The following ASPSCR1 variants were observed in gnomAD, a reference collection of about 807,000 sequenced individuals.
ASPSCR1 encodes the protein ASPSCR1 tether for SLC2A4, UBX domain containing.
ASPSCR1 carries 55 observed loss-of-function variants against 68.9 expected under a neutral mutation model. The observed-to-expected ratio is 0.80, with a 90% CI of 0.64 to 1.00. ASPSCR1 has a LOEUF of 1.00. Ranked by LOEUF, ASPSCR1 falls within the 50% of genes least tolerant of loss-of-function variation. ASPSCR1 has a pLI of 0.00. For synonymous variants in ASPSCR1, 352 were observed against 332.6 expected (o/e 1.06, Z -0.63); for missense variants, 765 against 762.2 (o/e 1.00, Z -0.04).
Position 81,983,665 on chromosome 17 carries a change from C to T in ASPSCR1, c.270C>T (p.Asn90=), listed in dbSNP as rs368306368. 5.0e-6 allele frequency: 8 copies of T among 1,609,282 alleles called. No homozygotes were observed. In the African/African-American group the frequency reaches 6.7e-5, roughly 13 times the overall value. The change falls in exon 3 of 16, where the codon AAC becomes AAT. Residue 90 remains asparagine, a synonymous_variant. Coordinates refer to ENST00000306739, the MANE Select transcript of ASPSCR1 (RefSeq NM_024083.4). This position sits in a 1 kb window ranked among gnomAD's most constrained non-coding sequence, Gnocchi z 4.4. The stretch of plus-strand genomic sequence containing the variant: ...CCCGGAGCCGTGAGGGGCCTGAGAA[C>T]ATGGTGGGTCGTGCTCTGGGGGAGG... ...PASRSREGPE[N]MVRIALQLDD... is the part of the protein sequence containing the mutation.
chr17:82,003,885 G>A (rs1042268325), intron 7 of ASPSCR1, among the ~76,000 whole-genome samples: 6 of 152,230 alleles, frequency 3.9e-5, no homozygotes, highest in East Asian at 3.9e-4. Context: ...GGTTTGGCCC[G>A]TGTCTGGCGT....
At chr17:82,011,644 C>A in intron 11 of ASPSCR1, 39 bp downstream of exon 11, 1 of 1,596,742 alleles carries the variant, frequency 6.3e-7, no homozygotes, top group Non-Finnish European at 8.5e-7. Flanking sequence ...GCCTCCAGTG[C>A]TCGGGGCCTT....
rs372697330 is a variant in ASPSCR1 at position 81,996,045 on chromosome 17, C to T, written c.486C>T (p.Thr162=). ...CGACGCTGCAGTCGCTGGGCCTGAC[C>T]GGGGGCAGCGCCACCATCAGGTAAG... The part of the protein sequence containing the change: ...RGTTLQSLGL[T]GGSATIRFVM... The change falls in exon 6 of 16, where the codon ACC becomes ACT. Residue 162 remains threonine (T), a synonymous_variant. Transcript: ENST00000306739. 1.3e-5 allele frequency: 21 copies of T among 1,609,136 alleles called. No homozygotes were observed. Among genetic ancestry groups the T allele is most frequent in the Middle Eastern group, 1.7e-4 (1 of 6,042 alleles).
chr17:82,017,221 G>A lies in ASPSCR1; in HGVS notation c.1649-88G>A, dbSNP rs1008200696. 3 of 1,595,128 alleles carry A rather than the reference G, an allele frequency of 1.9e-6. No individual in the cohort carries two copies. In the African/African-American group the frequency reaches 4.0e-5, roughly 21 times the overall value. On this transcript the variant is annotated intron_variant, in intron 15 of 15. Coordinates refer to ENST00000306739, the MANE Select transcript of ASPSCR1 (RefSeq NM_024083.4). ...GGGGGCTAGGTGCTGTGGCCGGCAG[G>A]GCCGAGTGCTTCAGCCGGGCTGGTG... is the stretch of plus-strand genomic sequence containing the variant.
At chr17:82,002,593 C>G (rs1226745570) in intron 7 of ASPSCR1, among the ~76,000 whole-genome samples, 1 of 151,880 alleles carries the variant, frequency 6.6e-6, no homozygotes, top group Admixed American at 6.6e-5. Context: ...GACAGAGTCT[C>G]ACTCTGTTGC....
Position 82,015,457 on chromosome 17 carries a change from C to T in ASPSCR1, c.1354-1019C>T, listed in dbSNP as rs1402006308. On this transcript the variant is annotated intron_variant, in intron 12 of 15. Coordinates refer to ENST00000306739, the MANE Select transcript of ASPSCR1 (RefSeq NM_024083.4). ...GCCTACTTCCCTCTCCTGGTGTTCC[C>T]GAGTCCTGCCCGCCCCTTTCTGTGC... The T allele has an allele frequency of 3.6e-6, 5 of 1,406,060 alleles. No individual in the cohort carries two copies. In the African/African-American group the frequency reaches 4.3e-5, roughly 12 times the overall value. 87.1% of individuals were successfully genotyped at this position (1,406,060 alleles called of 1,614,324 possible).
intron 7 of ASPSCR1, among the ~76,000 whole-genome samples, chr17:82,003,950 G>T (rs1174937412): frequency 6.6e-6 from 1 of 152,216 alleles, no homozygotes; most frequent in Admixed American, 6.5e-5. Flanking sequence ...CCCTCTCACC[G>T]GAGCCCTGGC....
Position 81,996,009 on chromosome 17 carries a change from C to T in ASPSCR1, c.450C>T (p.Ala150=), listed in dbSNP as rs765583398. Reference sequence around the variant, plus strand: ...TCCTGCAGGTGACGGGTGAAGCTGCCCTGCGGGGCACGACGCTGCAGTCGC... The same window carrying T: ...TCCTGCAGGTGACGGGTGAAGCTGCTCTGCGGGGCACGACGCTGCAGTCGC... The part of the protein sequence containing the change: ...YTRDEVTGEA[A]LRGTTLQSLG... Residue 150 remains alanine (A), a synonymous_variant, in exon 6 of 16, where the codon GCC becomes GCT. Coordinates refer to ENST00000306739, the MANE Select transcript of ASPSCR1 (RefSeq NM_024083.4). The T allele has an allele frequency of 1.2e-6, 2 of 1,610,236 alleles. No individual in the cohort carries two copies. Among genetic ancestry groups the T allele is most frequent in the East Asian group, 2.2e-5 (1 of 44,778 alleles).
At chr17:81,985,024 C>T (rs1361070403) in intron 3 of ASPSCR1, among the ~76,000 whole-genome samples, 11 of 117,320 alleles carry the variant, frequency 9.4e-5, no homozygotes, top group Non-Finnish European at 1.6e-4. Flanking sequence ...ACACCGCCCA[C>T]ACCAACATGC....
chr17:81,978,527 A>C (rs1179613966), intron 1 of ASPSCR1: 1 of 143,958 alleles, frequency 6.9e-6, no homozygotes, highest in African/African-American at 2.6e-5. Flanking sequence ...CTCCATATCA[A>C]AAAAAAAAAA....
Position 81,990,098 on chromosome 17 carries a change from C to T in ASPSCR1, c.374+4491C>T, listed in dbSNP as rs1006239096. Among the ~76,000 whole-genome samples, 8 of 152,140 alleles carry T rather than the reference C, an allele frequency of 5.3e-5. No individual in the cohort carries two copies. The highest frequency in any genetic ancestry group is 2.9e-5 in the Non-Finnish European group (2 of 68,034). On this transcript the variant is annotated intron_variant, in intron 4 of 15. Coordinates refer to ENST00000306739, the MANE Select transcript of ASPSCR1 (RefSeq NM_024083.4). This position sits in a 1 kb window ranked among gnomAD's most constrained non-coding sequence, Gnocchi z 4.1. ...CCAATCACTCACTTTTTCTTGTAAC[C>T]GCATTAAAGAAGAAATAAAAACAGG...
intron 8 of ASPSCR1, 119 bp from the exon 9 acceptor site, chr17:82,009,367 G>A (rs1296336830): frequency 1.5e-6 from 2 of 1,359,764 alleles, no homozygotes; most frequent in African/African-American, 2.9e-5. Flanking sequence ...AGACCTTCCT[G>A]CCTTGTGTGG....
chr17:82,016,495 C>A lies in ASPSCR1; in HGVS notation c.1373C>A (p.Ala458Asp). The change falls in exon 13 of 16, where the codon GCT becomes GAT. Residue 458 changes from alanine to aspartate, a missense_variant. Coordinates refer to ENST00000306739, the MANE Select transcript of ASPSCR1 (RefSeq NM_024083.4). ...CTGCAGGCGAACCTCTTCCCGGCCG[C>A]TCTGGTGCACTTGGGAGCCGAGGAG... is the stretch of plus-strand genomic sequence containing the variant. ...TLFQANLFPA[A>D]LVHLGAEEPA... 1 of 1,549,126 alleles carries A rather than the reference C, an allele frequency of 6.5e-7. No individual in the cohort carries two copies. The highest frequency in any genetic ancestry group is 8.7e-7 in the Non-Finnish European group (1 of 1,147,176).
At position 82,008,992 on chromosome 17, in the gene ASPSCR1, G is replaced by C. The variant is rs769490804; in HGVS notation, c.934-45G>C. On this transcript the variant is annotated intron_variant, in intron 7 of 15. Transcript: ENST00000306739. ...GCACTGACAGCCCGGGGTGCGGAGGGCCCAGCCCGTGACACCCGCCGTCAG... is the reference window on the plus strand; with the variant it reads ...GCACTGACAGCCCGGGGTGCGGAGGCCCCAGCCCGTGACACCCGCCGTCAG... The C allele has an allele frequency of 6.2e-6, 9 of 1,458,230 alleles. No individual in the cohort carries two copies. The South Asian group carries it at 9.8e-5, about 16-fold the overall frequency. The allele number at this position is 1,458,230 out of a possible 1,614,324, so 90.3% of individuals were successfully genotyped here. A position where few individuals can be genotyped will look rare whatever the true frequency, so the allele number is the denominator to read the frequency against.
At chr17:81,978,016 T>G (rs1335675126) in intron 1 of ASPSCR1, 6 of 239,202 alleles carry the variant, frequency 2.5e-5, no homozygotes, top group South Asian at 1.8e-4. Flanking sequence ...CCGCATCGAG[T>G]ACTCGGCGCC....
Position 81,990,587 on chromosome 17 carries a change from G to A in ASPSCR1, c.375-4234G>A, listed in dbSNP as rs1796403331. ...TGGGATCTTCCACGCCGAGCTCTGG[G>A]GGACACTGCTCTCTGCCTGCCTGGT... On this transcript the variant is annotated intron_variant, in intron 4 of 15. Transcript: ENST00000306739. This position sits in a 1 kb window ranked among gnomAD's most constrained non-coding sequence, Gnocchi z 4.1. Among the ~76,000 whole-genome samples, 1 of 152,004 alleles carries A rather than the reference G, an allele frequency of 6.6e-6. No homozygotes were observed. The highest frequency in any genetic ancestry group is 1.5e-5 in the Non-Finnish European group (1 of 67,994).
intron 4 of ASPSCR1, among the ~76,000 whole-genome samples, chr17:81,992,054 T>C (rs920471533): frequency 3.1e-4 from 47 of 152,352 alleles, no homozygotes; most frequent in African/African-American, 1.1e-3. Flanking sequence ...GGAGCTCTGC[T>C]GGCTGGAGAG....
intron 7 of ASPSCR1, among the ~76,000 whole-genome samples, chr17:82,002,407 G>A (rs2042568152): frequency 1.3e-5 from 2 of 151,286 alleles, no homozygotes; most frequent in Admixed American, 6.6e-5. Flanking sequence ...GATTACAGGT[G>A]TCTGCCACCT....
rs2143997396 is a variant in ASPSCR1 at position 81,983,153 on chromosome 17, T to C, written c.159-401T>C. On this transcript the variant is annotated intron_variant, in intron 2 of 15. Transcript: ENST00000306739. This position sits in a 1 kb window ranked among gnomAD's most constrained non-coding sequence, Gnocchi z 4.4. ...AGCCACTGCGCCCGGGCAGTCAGGT[T>C]TTCTGTGGTGGCTCCAGCCGTGACG... Among the ~76,000 whole-genome samples the C allele has an allele frequency of 6.6e-6, 1 of 152,296 alleles. No individual in the cohort carries two copies. The highest frequency in any genetic ancestry group is 2.1e-4 in the South Asian group (1 of 4,828).
Sources: allele counts gnomAD v4.1 joint callset (sites outside exome capture counted in the v4.1 genomes callset), GRCh38; gene constraint gnomAD v4.1.1; non-coding constraint Gnocchi (gnomAD v3.1); transcripts MANE v1.5; gene names NCBI Gene and HGNC (gene_info 2026-07-23, HGNC 2026-07-21).